The following RHBDD1 variants were observed in gnomAD, a reference collection of about 807,000 sequenced individuals.
The protein encoded by RHBDD1 is rhomboid domain containing 1, also known as rhomboid-related protein 4.
In RHBDD1, 38 loss-of-function variants were observed where a neutral mutation model predicts 36.3. That is an observed-to-expected ratio of 1.05 (90% confidence interval 0.81 to 1.37). The LOEUF is 1.37. Among genes scored for constraint, RHBDD1 ranks in the 40% most tolerant of loss-of-function variants. The pLI is 0.00. For synonymous variants in RHBDD1, 151 were observed against 136.5 expected, an observed-to-expected ratio of 1.11 and a Z score of -0.74; for missense variants, 393 against 377.6, an observed-to-expected ratio of 1.04 and a Z score of -0.34.
chr2:226,803,610 A>G, the RHBDD1 span, among the ~76,000 whole-genome samples: 1 of 152,208 alleles, frequency 6.6e-6, no homozygotes, highest in African/African-American at 2.4e-5. Flanking sequence ...GCAGAGCACT[A>G]TGATCTCTTT....
intron 5 of RHBDD1, among the ~76,000 whole-genome samples, chr2:226,871,386 G>T (rs1448938517): frequency 2.0e-5 from 3 of 152,122 alleles, no homozygotes; most frequent in Non-Finnish European, 4.4e-5. Context: ...CCACATTACT[G>T]TTGTCATGCA....
intron 8 of RHBDD1, among the ~76,000 whole-genome samples, chr2:226,940,215 C>T (rs1950578158): frequency 6.6e-6 from 1 of 152,152 alleles, no homozygotes; most frequent in Admixed American, 6.6e-5. Context: ...TGCAATACCT[C>T]AGGCAGTACC....
intron 8 of RHBDD1, among the ~76,000 whole-genome samples, chr2:226,954,590 G>A (rs755060384): frequency 2.0e-5 from 3 of 151,842 alleles, no homozygotes; most frequent in Non-Finnish European, 2.9e-5. Context: ...CTGCTCCCCC[G>A]ACCCCCACCA....
chr2:226,977,458 T>G (rs1485576400), intron 8 of RHBDD1, among the ~76,000 whole-genome samples: 1 of 152,202 alleles, frequency 6.6e-6, no homozygotes, highest in East Asian at 1.9e-4. Context: ...TAAAACAACT[T>G]AGATGTCGGT....
At chr2:226,991,462 G>A (rs369124860) in intron 8 of RHBDD1, among the ~76,000 whole-genome samples, 5 of 152,356 alleles carry the variant, frequency 3.3e-5, no homozygotes, top group African/African-American at 1.2e-4. Flanking sequence ...TTACAGGCAT[G>A]AGCCACCATG....
Position 226,836,063 on chromosome 2 carries a change from G to A in RHBDD1, c.-416G>A, listed in dbSNP as rs774505384. 3 of 152,704 alleles carry A rather than the reference G, an allele frequency of 2.0e-5. No homozygotes were observed. The highest frequency in any genetic ancestry group is 4.4e-5 in the Non-Finnish European group (3 of 68,080). The allele number at this position is 152,704 out of a possible 1,614,324, so 9.5% of individuals were successfully genotyped here. A position where few individuals can be genotyped will look rare whatever the true frequency, so the allele number is the denominator to read the frequency against. On this transcript the variant is annotated 5_prime_UTR_variant, in exon 1 of 9. Transcript: ENST00000392062. ...TGACGCACGTGCGCGCGAAGACGTGGGGACGCAGGCGGGTCGTAGAGAGCG... is the reference window on the plus strand; with the variant it reads ...TGACGCACGTGCGCGCGAAGACGTGAGGACGCAGGCGGGTCGTAGAGAGCG...
At chr2:226,902,849 C>G (rs1250200478) in intron 5 of RHBDD1, among the ~76,000 whole-genome samples, 5 of 152,160 alleles carry the variant, frequency 3.3e-5, no homozygotes, top group African/African-American at 1.2e-4. Flanking sequence ...ATAACTCAAA[C>G]TTCTGAAAAC....
chr2:226,988,785 C>T, intron 8 of RHBDD1: 1 of 833,890 alleles, frequency 1.2e-6, no homozygotes, highest in Non-Finnish European at 1.4e-6. Flanking sequence ...ACAAACTGTT[C>T]TCTATTTTAG....
Position 226,926,573 on chromosome 2 carries a change from A to G in RHBDD1, c.856+12222A>G, listed in dbSNP as rs74454047. 1.8e-3 allele frequency among the ~76,000 whole-genome samples: 277 copies of G among 152,232 alleles called. 8 individuals are homozygous for G. The East Asian group carries it at 0.048, about 26-fold the overall frequency. ...GCACTTACATTTGAGGACTTGATTAATTGGATTTGGGTTACACATTTTTAG... is the reference window on the plus strand; with the variant it reads ...GCACTTACATTTGAGGACTTGATTAGTTGGATTTGGGTTACACATTTTTAG... On this transcript the variant is annotated intron_variant, in intron 8 of 8. Transcript: ENST00000392062.
chr2:226,804,660 G>A, the RHBDD1 span: 1 of 152,342 alleles, frequency 6.6e-6, no homozygotes, highest in African/African-American at 2.4e-5. Context: ...TGGAAAGACA[G>A]TAATGCCCTC....
chr2:226,835,158 G>A (rs541873625), upstream of RHBDD1, among the ~76,000 whole-genome samples: 1 of 152,250 alleles, frequency 6.6e-6, no homozygotes, highest in East Asian at 1.9e-4. Context: ...CGATCCTCCT[G>A]CCTCGACCTC....
At chr2:226,990,789 G>A (rs1197852117) in intron 8 of RHBDD1, among the ~76,000 whole-genome samples, 1 of 152,172 alleles carries the variant, frequency 6.6e-6, no homozygotes, top group Admixed American at 6.5e-5. Context: ...GTATTCCTGA[G>A]GTTCTTTGAA....
At chr2:226,837,395 T>C (rs1028582520) in intron 1 of RHBDD1, 3 of 152,250 alleles carry the variant, frequency 2.0e-5, no homozygotes, top group African/African-American at 7.2e-5. Flanking sequence ...GGATTCTCAA[T>C]TCTGTGTAGT....
At chr2:226,946,989 A>C (rs1278635601) in intron 8 of RHBDD1, among the ~76,000 whole-genome samples, 6 of 152,226 alleles carry the variant, frequency 3.9e-5, no homozygotes, top group Admixed American at 3.9e-4. Context: ...ATCTCAATAG[A>C]TGCAGAAAAG....
At chr2:226,845,242 A>G (rs1187771497) in intron 3 of RHBDD1, among the ~76,000 whole-genome samples, 1 of 152,240 alleles carries the variant, frequency 6.6e-6, no homozygotes, top group Non-Finnish European at 1.5e-5. Flanking sequence ...AAGTCATGGA[A>G]AATGCTAATT....
chr2:226,808,863 T>C, the RHBDD1 span, among the ~76,000 whole-genome samples: 4 of 148,960 alleles, frequency 2.7e-5, no homozygotes, highest in Non-Finnish European at 4.5e-5. Context: ...ATGGAAGTAG[T>C]GTCAAAAAAA....
chr2:226,864,460 T>C (rs1241664627), intron 3 of RHBDD1, 144 bp from the exon 4 acceptor site: 15 of 512,446 alleles, frequency 2.9e-5, no homozygotes, highest in Non-Finnish European at 4.5e-5. Flanking sequence ...ATCCTCGATA[T>C]TACTCTTGAA....
chr2:226,857,698 C>A (rs185072318), intron 3 of RHBDD1, among the ~76,000 whole-genome samples: 215 of 152,272 alleles, frequency 1.4e-3, no homozygotes, highest in Admixed American at 2.4e-3. Flanking sequence ...TATTGTGTGA[C>A]TTCATGTAGA....
chr2:226,950,297 C>A (rs548700053), intron 8 of RHBDD1, among the ~76,000 whole-genome samples: 1 of 152,180 alleles, frequency 6.6e-6, no homozygotes, highest in Non-Finnish European at 1.5e-5. Context: ...CAGTATTTGT[C>A]TTTCTGTGCC....
Sources: allele counts gnomAD v4.1 joint callset (sites outside exome capture counted in the v4.1 genomes callset), GRCh38; gene constraint gnomAD v4.1.1; transcripts MANE v1.5; gene names NCBI Gene and HGNC (gene_info 2026-07-23, HGNC 2026-07-21).